MCTP1: variants seen among roughly 807,000 people sequenced by gnomAD.
The protein encoded by MCTP1 is multiple C2 and transmembrane domain-containing protein 1.
A neutral mutation model predicts 120.6 loss-of-function variants in MCTP1; 69 were observed. The ratio of observed to expected loss-of-function variants is 0.57; its 90% CI spans 0.47 to 0.70. The LOEUF (loss-of-function observed/expected upper bound fraction) is 0.70, where lower values mean the gene tolerates loss of function less well. Among genes scored for constraint, MCTP1 ranks in the 30% least tolerant of loss-of-function variants. The pLI is 0.00. For missense variants in MCTP1, 1,203 were observed against 1,248.8 expected (o/e 0.96, Z 0.55); for synonymous variants, 529 against 493.1 (o/e 1.07, Z -0.96).
At chr5:95,090,719 C>T (rs1562134902) in intron 1 of MCTP1, among the ~76,000 whole-genome samples, 1 of 152,154 alleles carries the variant, frequency 6.6e-6, no homozygotes, top group African/African-American at 2.4e-5. Context: ...CCAGATTCAA[C>T]CTGAAAAACC....
chr5:94,767,809 T>C (rs1001625017), intron 19 of MCTP1, among the ~76,000 whole-genome samples: 2 of 152,164 alleles, frequency 1.3e-5, no homozygotes, highest in Non-Finnish European at 2.9e-5. Flanking sequence ...TGAAGAATAT[T>C]GTTAAAATGA....
At chr5:95,076,098 A>G (rs569817535) in intron 1 of MCTP1, among the ~76,000 whole-genome samples, 1 of 152,302 alleles carries the variant, frequency 6.6e-6, no homozygotes, top group South Asian at 2.1e-4. Flanking sequence ...ATATATACCT[A>G]TGATAAAGTT....
chr5:95,139,627 G>T (rs1010503614), intron 1 of MCTP1, among the ~76,000 whole-genome samples: 2 of 152,064 alleles, frequency 1.3e-5, no homozygotes, highest in Non-Finnish European at 2.9e-5. Context: ...CTCACCAAAG[G>T]TTAATTTCTA....
chr5:95,006,301 A>G (rs1834740365), intron 2 of MCTP1, among the ~76,000 whole-genome samples: 1 of 151,376 alleles, frequency 6.6e-6, no homozygotes, highest in Non-Finnish European at 1.5e-5. Context: ...ATGTGTATAT[A>G]TATGTATATA....
At chr5:95,034,469 G>C (rs923551158) in intron 1 of MCTP1, among the ~76,000 whole-genome samples, 1 of 151,972 alleles carries the variant, frequency 6.6e-6, no homozygotes, top group African/African-American at 2.4e-5. Context: ...AATAAGCAAT[G>C]GGGAAAGAAC....
intron 1 of MCTP1, among the ~76,000 whole-genome samples, chr5:95,036,108 C>T (rs531182892): frequency 6.6e-6 from 1 of 152,246 alleles, no homozygotes; most frequent in South Asian, 2.1e-4. Context: ...AAGTGCATAG[C>T]TACCAGTGAG....
chr5:94,943,925 G>A (rs1419689670), intron 3 of MCTP1, among the ~76,000 whole-genome samples: 1 of 152,072 alleles, frequency 6.6e-6, no homozygotes, highest in African/African-American at 2.4e-5. Context: ...GCCTTTGGTT[G>A]CTCCAGGATG....
In MCTP1 at chr5:94,705,134, CTT is replaced by C. The variant is rs964321944; in HGVS notation, c.*2360_*2361del. The C allele has an allele frequency of 5.3e-5, 8 of 151,444 alleles. No individual in the cohort carries two copies. Among genetic ancestry groups the C allele is most frequent in the African/African-American group, 1.9e-4 (8 of 41,342 alleles). The allele number at this position is 151,444 out of a possible 1,614,324, so 9.4% of individuals were successfully genotyped here. A position where few individuals can be genotyped will look rare whatever the true frequency, so the allele number is the denominator to read the frequency against. On this transcript the variant is annotated 3_prime_UTR_variant, in exon 23 of 23. Transcript: ENST00000515393. ...TAGATGTTTGAGTGACATTCAGTCT[CTT>C]AAGAAATATTTACATCACAGATCTC... is the stretch of plus-strand genomic sequence containing the variant.
At chr5:94,832,237 G>C (rs1422059092) in intron 17 of MCTP1, among the ~76,000 whole-genome samples, 1 of 103,494 alleles carries the variant, frequency 9.7e-6, no homozygotes. Context: ...TTCCCTCCTT[G>C]CATAAGCCAT....
At chr5:95,015,243 C>T (rs1179267067) in intron 2 of MCTP1, among the ~76,000 whole-genome samples, 1 of 151,972 alleles carries the variant, frequency 6.6e-6, no homozygotes, top group African/African-American at 2.4e-5. Flanking sequence ...CCAAAATAGG[C>T]CTGTATGTAT....
At chr5:95,035,070 A>G (rs950309889) in intron 1 of MCTP1, among the ~76,000 whole-genome samples, 5 of 152,082 alleles carry the variant, frequency 3.3e-5, no homozygotes, top group African/African-American at 4.8e-5. Flanking sequence ...TCAAAAAATA[A>G]CAGATGTTGG....
chr5:95,047,320 T>A, intron 1 of MCTP1, among the ~76,000 whole-genome samples: 1 of 152,146 alleles, frequency 6.6e-6, no homozygotes, highest in South Asian at 2.1e-4. Context: ...CACGGAGCAC[T>A]GAGCAGGCAC....
intron 1 of MCTP1, among the ~76,000 whole-genome samples, chr5:95,115,787 A>T (rs1325791874): frequency 6.6e-6 from 1 of 152,204 alleles, no homozygotes; most frequent in Admixed American, 6.5e-5. Context: ...AGAAGGTTAT[A>T]GAATACCAAG....
At chr5:94,811,616 C>A (rs1246622695) in intron 17 of MCTP1, among the ~76,000 whole-genome samples, 1 of 152,168 alleles carries the variant, frequency 6.6e-6, no homozygotes, top group East Asian at 1.9e-4. Flanking sequence ...AGTACAAATT[C>A]TTGGAGCAAG....
intron 6 of MCTP1, among the ~76,000 whole-genome samples, chr5:94,928,096 T>C (rs1813617199): frequency 6.6e-6 from 1 of 152,080 alleles, no homozygotes; most frequent in South Asian, 2.1e-4. Context: ...AATGCGTATG[T>C]TTTTATATCA....
At chr5:95,129,602 TAGAC>T (rs1258813527) in intron 1 of MCTP1, among the ~76,000 whole-genome samples, 9 of 152,192 alleles carry the variant, frequency 5.9e-5, no homozygotes, top group Non-Finnish European at 8.8e-5. Context: ...AAGATCAATG[TAGAC>T]AGATTTATTC....
At chr5:95,233,329 T>C (rs1161973684) in intron 1 of MCTP1, among the ~76,000 whole-genome samples, 2 of 100,848 alleles carry the variant, frequency 2.0e-5, no homozygotes, top group Non-Finnish European at 4.7e-5. Context: ...GGCATACTTC[T>C]TTTTTTTTTT....
At chr5:95,103,760 C>T (rs1042473071) in intron 1 of MCTP1, among the ~76,000 whole-genome samples, 3 of 152,108 alleles carry the variant, frequency 2.0e-5, no homozygotes, top group African/African-American at 7.2e-5. Flanking sequence ...CAAACAGTTT[C>T]CATGCTGGTG....
chr5:94,909,203 T>C (rs750236767), intron 10 of MCTP1, 48 bp downstream of exon 10: 56 of 1,586,906 alleles, frequency 3.5e-5, no homozygotes, highest in Non-Finnish European at 4.7e-5. Context: ...AATATTCTTT[T>C]AATAAAAATG....
Sources: allele counts gnomAD v4.1 joint callset (sites outside exome capture counted in the v4.1 genomes callset), GRCh38; gene constraint gnomAD v4.1.1; transcripts MANE v1.5; gene names NCBI Gene and HGNC (gene_info 2026-07-23, HGNC 2026-07-21).